Variants in C15orf40 observed in about 807,000 individuals in gnomAD.
The protein encoded by C15orf40 is chromosome 15 open reading frame 40.
In C15orf40, 9 loss-of-function variants were observed where a neutral mutation model predicts 13.9. The ratio of observed to expected loss-of-function variants is 0.65; its 90% CI spans 0.39 to 1.13. The LOEUF (loss-of-function observed/expected upper bound fraction) is 1.13, where lower values mean the gene tolerates loss of function less well. C15orf40 is among the 50% of genes most tolerant of loss of function. The pLI, the probability that C15orf40 is intolerant of heterozygous loss-of-function variation, is 0.01. For synonymous variants in C15orf40, 95 were observed against 69.2 expected (o/e 1.37, Z -1.85); for missense variants, 225 against 188.5 (o/e 1.19, Z -1.13).
downstream of C15orf40, chr15:82,989,828 A>G (rs2030781874): frequency 6.3e-7 from 1 of 1,595,598 alleles, no homozygotes; most frequent in Non-Finnish European, 8.6e-7. Flanking sequence ...GGTTTGTCAT[A>G]TGTTTTTTTT....
chr15:82,990,724 C>A, downstream of C15orf40: 1 of 1,304,144 alleles, frequency 7.7e-7, no homozygotes, highest in South Asian at 1.3e-5. Context: ...TAAGGGTACA[C>A]ATCATTTTAT....
chr15:83,009,484 T>C (rs1043198248), intron 2 of C15orf40, among the ~76,000 whole-genome samples: 1 of 152,208 alleles, frequency 6.6e-6, no homozygotes, highest in Non-Finnish European at 1.5e-5. Context: ...ATGTTGTGGT[T>C]TTCCTTTCAA....
At chr15:83,007,333 G>A (rs1298944258) in intron 3 of C15orf40, among the ~76,000 whole-genome samples, 1 of 152,180 alleles carries the variant, frequency 6.6e-6, no homozygotes, top group Non-Finnish European at 1.5e-5. Flanking sequence ...GGATGAGAGA[G>A]CTAAGCAAGA....
intron 1 of C15orf40, chr15:83,010,706 G>A (rs1405177836): frequency 5.1e-6 from 1 of 197,684 alleles, no homozygotes; most frequent in East Asian, 1.3e-4. Flanking sequence ...TGCAGTCGGA[G>A]CTAATAAATG....
At chr15:83,010,570 T>G in intron 1 of C15orf40, 1 of 525,122 alleles carries the variant, frequency 1.9e-6, no homozygotes, top group Non-Finnish European at 3.4e-6. Flanking sequence ...AACCCAACAG[T>G]GTTTTTTCCC....
At chr15:83,007,319 T>TA (rs2151289159) in intron 3 of C15orf40, among the ~76,000 whole-genome samples, 1 of 152,240 alleles carries the variant, frequency 6.6e-6, no homozygotes, top group East Asian at 1.9e-4. Flanking sequence ...GGTGATGACT[T>TA]AAAGGATGAG....
At chr15:83,009,776 T>G (rs2031892824) in intron 2 of C15orf40, among the ~76,000 whole-genome samples, 1 of 152,320 alleles carries the variant, frequency 6.6e-6, no homozygotes, top group African/African-American at 2.4e-5. Context: ...ATGAAAAAAC[T>G]GGACCCATGA....
rs1173492647 is a variant in C15orf40 at position 83,010,252 on chromosome 15, G to C, written c.223C>G (p.Gln75Glu). The change falls in exon 2 of 4, where the codon CAA becomes GAA. Residue 75 changes from glutamine to glutamate, a missense_variant. Transcript: ENST00000304177. ...CCAGGTATACCTGTTACAGCATTTTGTTTGGAGCCAGGTTTTGCATGGATG... is the reference window on the plus strand; with the variant it reads ...CCAGGTATACCTGTTACAGCATTTTCTTTGGAGCCAGGTTTTGCATGGATG... Reference protein sequence around the residue: ...IAIHAKPGSKQNAVTDLTAEA... With the variant: ...IAIHAKPGSKENAVTDLTAEA... 2.5e-6 allele frequency: 4 copies of C among 1,614,200 alleles called. No homozygotes were observed. Among genetic ancestry groups the C allele is most frequent in the South Asian group, 2.2e-5 (2 of 91,086 alleles).
chr15:83,009,140 C>A (rs1309586063), intron 2 of C15orf40, among the ~76,000 whole-genome samples: 1 of 152,130 alleles, frequency 6.6e-6, no homozygotes, highest in Non-Finnish European at 1.5e-5. Flanking sequence ...TCTTATGTGA[C>A]ACATATCTTG....
chr15:82,997,132 G>A lies in C15orf40; in HGVS notation c.*8465C>T, dbSNP rs1198993927. 1 of 149,042 alleles carries A rather than the reference G, an allele frequency of 6.7e-6. No individual in the cohort carries two copies. The highest frequency in any genetic ancestry group is 2.0e-4 in the East Asian group (1 of 5,126). 9.2% of individuals were successfully genotyped at this position (149,042 alleles called of 1,614,324 possible). A position where few individuals can be genotyped will look rare whatever the true frequency, so the allele number is the denominator to read the frequency against. ...TATCTTGCCTTCTAAATTTCATACCGTTTTCAGCCTCTTCTCTGTTGCACT... is the reference window on the plus strand; with the variant it reads ...TATCTTGCCTTCTAAATTTCATACCATTTTCAGCCTCTTCTCTGTTGCACT... On this transcript the variant is annotated 3_prime_UTR_variant, in exon 4 of 4. Transcript: ENST00000304177.
downstream of C15orf40, chr15:82,989,777 T>C (rs549785433): frequency 9.5e-6 from 13 of 1,370,238 alleles, no homozygotes; most frequent in African/African-American, 1.5e-5. Flanking sequence ...TTTAGTCTTA[T>C]TTATTGTGTA....
rs367557181 is a variant in C15orf40, at chr15:83,010,279, C to G, written c.196G>C (p.Ala66Pro). Reference sequence around the variant, plus strand: ...TTGGAGCCAGGTTTTGCATGGATGGCTATGGTGACGCATCCTTTAGGATCA... The same window carrying G: ...TTGGAGCCAGGTTTTGCATGGATGGGTATGGTGACGCATCCTTTAGGATCA... ...AVDPKGCVTI[A>P]IHAKPGSKQN... is the part of the protein sequence containing the mutation. Residue 66 changes from alanine (A) to proline (P), a missense_variant, in exon 2 of 4, where the codon GCC becomes CCC. By Grantham distance (27) the Ala-to-Pro change is conservative. Coordinates refer to ENST00000304177, the MANE Select transcript of C15orf40 (RefSeq NM_144597.3). 1.9e-6 allele frequency: 3 copies of G among 1,614,104 alleles called. No homozygotes were observed. In the South Asian group the frequency reaches 3.3e-5, roughly 18 times the overall value.
intron 2 of C15orf40, among the ~76,000 whole-genome samples, chr15:83,009,019 A>G (rs2031852198): frequency 6.6e-6 from 1 of 152,206 alleles, no homozygotes; most frequent in Non-Finnish European, 1.5e-5. Flanking sequence ...GATGGCCTTC[A>G]GCCTCATCAA....
chr15:82,995,177 T>A lies in C15orf40; in HGVS notation c.*10420A>T, dbSNP rs1046247960. 2 of 152,162 alleles carry A rather than the reference T, an allele frequency of 1.3e-5. No individual in the cohort carries two copies. Among genetic ancestry groups the A allele is most frequent in the African/African-American group, 4.8e-5 (2 of 41,422 alleles). The allele number at this position is 152,162 out of a possible 1,614,324, so 9.4% of individuals were successfully genotyped here. On this transcript the variant is annotated 3_prime_UTR_variant, in exon 4 of 4. Coordinates refer to ENST00000304177, the MANE Select transcript of C15orf40 (RefSeq NM_144597.3). ...CACCAGCTTTTGAGGAAAATAAGGATGGAAGTAGAGATCCCTTGACTTGTG... is the reference window on the plus strand; with the variant it reads ...CACCAGCTTTTGAGGAAAATAAGGAAGGAAGTAGAGATCCCTTGACTTGTG...
At chr15:82,991,975 G>A, downstream of C15orf40, 1 of 1,211,020 alleles carries the variant, frequency 8.3e-7, no homozygotes, top group Non-Finnish European at 1.1e-6. Context: ...CAGCACTCTG[G>A]GAGGCCGAGG....
chr15:82,993,944 T>C (rs1423087107), downstream of C15orf40, among the ~76,000 whole-genome samples: 1 of 152,252 alleles, frequency 6.6e-6, no homozygotes, highest in Non-Finnish European at 1.5e-5. Context: ...CTGGGGACTT[T>C]TAGAGTTTTT....
At position 83,010,518 on chromosome 15, in the gene C15orf40, C is replaced by T. The variant is rs79944776; in HGVS notation, c.112-155G>A. ...GCCACCTAGAAAGCTTTTCCCACAA[C>T]CTTCAAGGCTCTACTCAATTTTCCC... On this transcript the variant is annotated intron_variant, in intron 1 of 3. Transcript: ENST00000304177. 947 of 779,248 alleles carry T rather than the reference C, an allele frequency of 1.2e-3. 5 individuals carry two copies. In the African/African-American group the frequency reaches 0.014, roughly 11 times the overall value. The allele number at this position is 779,248 out of a possible 1,614,324, so 48.3% of individuals were successfully genotyped here.
intron 3 of C15orf40, among the ~76,000 whole-genome samples, chr15:83,007,312 G>A (rs866651048): frequency 3.3e-5 from 5 of 152,212 alleles, no homozygotes; most frequent in Admixed American, 3.3e-4. Flanking sequence ...TTAGCGTGGT[G>A]ATGACTTAAA....
Position 83,008,608 on chromosome 15 carries a change from C to T in C15orf40, c.306G>A (p.Glu102=), listed in dbSNP as rs1267934361. The change falls in exon 3 of 4, where the codon GAG becomes GAA. Residue 102 remains glutamate, a synonymous_variant. Coordinates refer to ENST00000304177, the MANE Select transcript of C15orf40 (RefSeq NM_144597.3). ...APPSEGEANA[E]LCRYLSKVLE... ...GGACCTTGGAAAGATACCGACAGAG[C>T]TCAGCATTAGCCTCTCCCTCTGATG... The T allele has an allele frequency of 6.2e-7, 1 of 1,614,026 alleles. No homozygotes were observed. The highest frequency in any genetic ancestry group is 8.5e-7 in the Non-Finnish European group (1 of 1,179,984).
Sources: gnomAD v4.1 joint callset for allele counts (sites outside exome capture counted in the v4.1 genomes callset) on GRCh38, gnomAD v4.1.1 for gene constraint, MANE v1.5 for transcripts, NCBI Gene and HGNC (gene_info 2026-07-23, HGNC 2026-07-21) for gene names.